Variants in ABR observed in about 807,000 individuals in gnomAD.
The protein encoded by ABR is ABR activator of RhoGEF and GTPase.
In ABR, 35 loss-of-function variants were observed where a neutral mutation model predicts 107.2. The observed-to-expected ratio is 0.33, with a 90% CI of 0.25 to 0.43. ABR has a LOEUF of 0.43. Ranked by LOEUF, ABR falls within the 20% of genes least tolerant of loss-of-function variation. ABR has a pLI of 1.00. For missense variants in ABR, 815 were observed against 1,115.2 expected, an observed-to-expected ratio of 0.73 and a Z score of 3.83; for synonymous variants, 498 against 462.0, an observed-to-expected ratio of 1.08 and a Z score of -1.00.
At chr17:1,015,853 C>T (rs529187721) in intron 16 of ABR, among the ~76,000 whole-genome samples, 7 of 152,208 alleles carry the variant, frequency 4.6e-5, no homozygotes, top group East Asian at 1.9e-4. Flanking sequence ...CTTTAGTTCG[C>T]GTATCTATAG....
At chr17:1,031,772 G>A (rs1481494635) in intron 16 of ABR, 3 of 1,232,072 alleles carry the variant, frequency 2.4e-6, no homozygotes, top group Non-Finnish European at 3.0e-6. Context: ...GCGCTGGAGA[G>A]AAGGCGCCTG....
chr17:1,029,309 G>C lies in ABR; in HGVS notation c.1792-16145C>G, dbSNP rs75330352. ...GGTGACAAGAACAGCCCAACCACAG[G>C]GACCCCCGCTGGTACCCAAAGGATC... On this transcript the variant is annotated intron_variant, in intron 16 of 22. Coordinates refer to ENST00000302538, the MANE Select transcript of ABR (RefSeq NM_021962.5). 1.5e-4 allele frequency among the ~76,000 whole-genome samples: 9 copies of C among 60,986 alleles called. 1 individual carries two copies. The South Asian group carries it at 3.7e-3, about 25-fold the overall frequency. The allele number at this position is 60,986 out of a possible 152,430, so 40.0% of individuals were successfully genotyped here. A position where few individuals can be genotyped will look rare whatever the true frequency, so the allele number is the denominator to read the frequency against.
chr17:1,083,905 T>TCTTC (rs1455220393), intron 4 of ABR: 2 of 402,786 alleles, frequency 5.0e-6, no homozygotes, highest in African/African-American at 4.1e-5. Flanking sequence ...GAAATTCAAC[T>TCTTC]CTTCACAGCA....
At chr17:1,114,166 T>G (rs2038871055) in intron 2 of ABR, among the ~76,000 whole-genome samples, 1 of 48,132 alleles carries the variant, frequency 2.1e-5, no homozygotes, top group Admixed American at 2.0e-4. Context: ...AAAGACCCTG[T>G]CTCAAAAAAA....
chr17:1,187,126 G>A (rs1193664120), exon 1 of ABR: 1 of 152,380 alleles, frequency 6.6e-6, no homozygotes, highest in African/African-American at 2.4e-5. Context: ...TGCAGGAGCC[G>A]AGGGCAGGCT....
intron 10 of ABR, among the ~76,000 whole-genome samples, chr17:1,065,724 G>C (rs1036315742): frequency 6.8e-6 from 1 of 147,300 alleles, no homozygotes; most frequent in African/African-American, 2.5e-5. Flanking sequence ...TTGTCAGTTT[G>C]AACTTTCCAA....
chr17:1,183,446 A>T (rs1212375137), upstream of ABR, among the ~76,000 whole-genome samples: 1 of 152,154 alleles, frequency 6.6e-6, no homozygotes, highest in Admixed American at 6.5e-5. Context: ...GTTAATGACG[A>T]GGGGCTGAGT....
intron 2 of ABR, 22 bp from the exon 3 acceptor site, chr17:1,100,757 C>G (rs757865603): frequency 6.2e-7 from 1 of 1,612,798 alleles, no homozygotes; most frequent in Non-Finnish European, 8.5e-7. Flanking sequence ...CAAAGCACAG[C>G]CAACAGCTCA....
chr17:1,035,108 C>T (rs2073068224), intron 16 of ABR, among the ~76,000 whole-genome samples: 1 of 151,882 alleles, frequency 6.6e-6, no homozygotes, highest in Non-Finnish European at 1.5e-5. Context: ...ACAGCGCAGA[C>T]TTGCCTTCTC....
chr17:1,225,011 T>C (rs2043187681), intron 1 of ABR, among the ~76,000 whole-genome samples: 1 of 151,502 alleles, frequency 6.6e-6, no homozygotes, highest in Admixed American at 6.6e-5. Context: ...TAGACAGGCG[T>C]GGTGGCGGGC....
At chr17:1,130,904 G>A (rs998562833) in intron 1 of ABR, among the ~76,000 whole-genome samples, 1 of 152,208 alleles carries the variant, frequency 6.6e-6, no homozygotes, top group East Asian at 1.9e-4. Flanking sequence ...GCCTGGGGAG[G>A]GGCTGGGACT....
rs1197675578 is a variant in ABR at position 1,067,102 on chromosome 17, G to A, written c.1157C>T (p.Ala386Val). ...ELEDMKMKIS[A>V]LKSEIQKEKA... Reference sequence around the variant, plus strand: ...CTCCTTCTGGATTTCACTCTTGAGGGCAGAGATCTTCATCTTCATGTCCTC... The same window carrying A: ...CTCCTTCTGGATTTCACTCTTGAGGACAGAGATCTTCATCTTCATGTCCTC... The change falls in exon 10 of 23, where the codon GCC (alanine) becomes GTC (valine). Residue 386 changes from alanine to valine, a missense_variant. By Grantham distance (64) the Ala-to-Val change is moderately conservative (BLOSUM62 0). Transcript: ENST00000302538. The A allele has an allele frequency of 1.2e-6, 2 of 1,613,644 alleles. No homozygotes were observed. Among genetic ancestry groups the A allele is most frequent in the East Asian group, 2.2e-5 (1 of 44,870 alleles).
chr17:1,124,776 C>T (rs1326542783), intron 2 of ABR, among the ~76,000 whole-genome samples: 1 of 152,180 alleles, frequency 6.6e-6, no homozygotes, highest in African/African-American at 2.4e-5. Context: ...GCTGGCTTTG[C>T]GGGAGCAGCA....
chr17:1,135,145 T>C (rs2040002514), intron 1 of ABR, among the ~76,000 whole-genome samples: 1 of 152,002 alleles, frequency 6.6e-6, no homozygotes, highest in Non-Finnish European at 1.5e-5. Context: ...GCAGGGCCCC[T>C]GGAGGGGACT....
chr17:1,184,043 T>C, upstream of ABR, among the ~76,000 whole-genome samples: 1 of 151,516 alleles, frequency 6.6e-6, no homozygotes. Context: ...AAACCCCGTC[T>C]CTACTAAAAA....
intron 1 of ABR, among the ~76,000 whole-genome samples, chr17:1,208,974 T>A (rs1245781362): frequency 6.6e-6 from 1 of 151,894 alleles, no homozygotes; most frequent in Non-Finnish European, 1.5e-5. Flanking sequence ...TGTACATACA[T>A]GTATGTAGTG....
At chr17:1,166,576 G>C (rs943585080) in intron 1 of ABR, among the ~76,000 whole-genome samples, 1 of 152,216 alleles carries the variant, frequency 6.6e-6, no homozygotes. Context: ...CTCCCACGTT[G>C]TGCTAAGGAG....
At chr17:1,151,551 C>T (rs914781448) in intron 1 of ABR, among the ~76,000 whole-genome samples, 1 of 152,184 alleles carries the variant, frequency 6.6e-6, no homozygotes, top group Admixed American at 6.5e-5. Context: ...ACCTCAAAGC[C>T]GCGTTCTTCC....
At chr17:1,140,920 G>A (rs2040259938) in intron 1 of ABR, among the ~76,000 whole-genome samples, 1 of 151,874 alleles carries the variant, frequency 6.6e-6, no homozygotes, top group African/African-American at 2.4e-5. Flanking sequence ...GTTGCAGTGA[G>A]CTGAGATCGC....
Sources: gnomAD v4.1 joint callset for allele counts (sites outside exome capture counted in the v4.1 genomes callset) on GRCh38, gnomAD v4.1.1 for gene constraint, MANE v1.5 for transcripts, NCBI Gene and HGNC (gene_info 2026-07-23, HGNC 2026-07-21) for gene names.